Variants in TASOR2 observed in about 807,000 individuals in gnomAD.
TASOR2 encodes the protein transcription activation suppressor family member 2, also known as protein TASOR 2.
In TASOR2, 84 loss-of-function variants were observed where a neutral mutation model predicts 199.5. That is an observed-to-expected ratio of 0.42 (90% CI 0.35 to 0.50). The LOEUF (loss-of-function observed/expected upper bound fraction) is 0.50, where lower values mean the gene tolerates loss of function less well. Ranked by LOEUF, TASOR2 falls within the 20% of genes least tolerant of loss-of-function variation. The pLI is 0.02. For missense variants in TASOR2, 2,796 were observed against 2,835.9 expected, an observed-to-expected ratio of 0.99 and a Z score of 0.32; for synonymous variants, 1,103 against 1,046.6, an observed-to-expected ratio of 1.05 and a Z score of -1.04.
Position 5,720,814 on chromosome 10 carries a change from C to A in TASOR2, c.46+40C>A, listed in dbSNP as rs1343021825. 2 of 1,581,618 alleles carry A rather than the reference C, an allele frequency of 1.3e-6. No homozygotes were observed. The highest frequency in any genetic ancestry group is 2.8e-5 in the African/African-American group (2 of 71,876). Reference sequence around the variant, plus strand: ...ATTGATTCTTTTAGGTTTTTTTTTTCTTGAGTAAATGTTTCATCATAAATA... The same window carrying A: ...ATTGATTCTTTTAGGTTTTTTTTTTATTGAGTAAATGTTTCATCATAAATA... On this transcript the variant is annotated intron_variant, in intron 5 of 20. Transcript: ENST00000328090. This position sits in a 1 kb window ranked among gnomAD's most constrained non-coding sequence, Gnocchi z 5.3.
chr10:5,692,031 T>C (rs1244064641), intron 1 of TASOR2, among the ~76,000 whole-genome samples: 2 of 151,358 alleles, frequency 1.3e-5, no homozygotes, highest in East Asian at 3.9e-4. Context: ...AAAAATTAGC[T>C]AGGCGTGGCG....
exon 15 of TASOR2, chr10:5,746,178 GGTAACT>G: frequency 6.6e-7 from 1 of 1,511,286 alleles, no homozygotes; most frequent in Non-Finnish European, 8.8e-7. Flanking sequence ...GGCCGTTTCA[GGTAACT>G]GGGGAAGAAG....
At chr10:5,718,083 A>G (rs192830586) in intron 3 of TASOR2, among the ~76,000 whole-genome samples, 39 of 152,326 alleles carry the variant, frequency 2.6e-4, no homozygotes, top group African/African-American at 8.9e-4. Flanking sequence ...ATGAATTTAG[A>G]AAACAACATT....
At chr10:5,684,839 C>G (rs572840947) in exon 1 of TASOR2, 12 of 384,806 alleles carry the variant, frequency 3.1e-5, no homozygotes, top group African/African-American at 2.5e-4. Context: ...CGAGGTTTTG[C>G]TTCCGGTTGC....
chr10:5,759,348 A>C (rs1839438093), intron 18 of TASOR2, among the ~76,000 whole-genome samples: 1 of 152,220 alleles, frequency 6.6e-6, no homozygotes, highest in African/African-American at 2.4e-5. Context: ...AGAATGGAAA[A>C]ATTAAGACCA....
Position 5,751,695 on chromosome 10 carries a change from G to A in TASOR2, c.6606+1668G>A, listed in dbSNP as rs905894580. On this transcript the variant is annotated intron_variant, in intron 15 of 20. Coordinates refer to ENST00000328090, the Ensembl canonical transcript of TASOR2. The surrounding 1 kb of genome is among the most constrained non-coding windows in gnomAD (Gnocchi z 5.3). Reference sequence around the variant, plus strand: ...CTCCAAGGAGCTGTGACTCTTTAGTGAAGAATGGCATTTAGAACCACCATC... The same window carrying A: ...CTCCAAGGAGCTGTGACTCTTTAGTAAAGAATGGCATTTAGAACCACCATC... Among the ~76,000 whole-genome samples, 1 of 152,198 alleles carries A rather than the reference G, an allele frequency of 6.6e-6. No individual in the cohort carries two copies. The highest frequency in any genetic ancestry group is 6.5e-5 in the Admixed American group (1 of 15,280).
Position 5,740,207 on chromosome 10 carries a change from C to A in TASOR2, c.2037C>A (p.Pro679=). 1.2e-6 allele frequency: 2 copies of A among 1,614,196 alleles called. No homozygotes were observed. The highest frequency in any genetic ancestry group is 1.7e-6 in the Non-Finnish European group (2 of 1,180,028). Residue 679 remains proline, a synonymous_variant, in exon 13 of 21, where the codon CCC becomes CCA. Transcript: ENST00000328090. This position sits in a 1 kb window ranked among gnomAD's most constrained non-coding sequence, Gnocchi z 5.3. ...GAGAGATACTAAGCCCTCTGTTTCC[C>A]AGGAATGGGACAAAAAGCCCTGAAG... is the stretch of plus-strand genomic sequence containing the variant.
At chr10:5,747,024 G>C (rs776413785) in exon 15 of TASOR2, 1 of 1,614,006 alleles carries the variant, frequency 6.2e-7, no homozygotes, top group African/African-American at 1.3e-5. Context: ...TTCTAGAACT[G>C]ACACAGGTTG....
At chr10:5,709,314 A>C (rs1424111061) in intron 1 of TASOR2, among the ~76,000 whole-genome samples, 1 of 152,208 alleles carries the variant, frequency 6.6e-6, no homozygotes. Context: ...AATTTTCTTT[A>C]GAAGTTAAAG....
In TASOR2 at chr10:5,748,531, C is replaced by T; in HGVS notation, c.5110C>T (p.His1704Tyr). 1 of 1,613,582 alleles carries T rather than the reference C, an allele frequency of 6.2e-7. No homozygotes were observed. The highest frequency in any genetic ancestry group is 1.1e-5 in the South Asian group (1 of 91,088). The change falls in exon 15 of 21, where the codon CAT becomes TAT. Residue 1704 changes from histidine to tyrosine, a missense_variant. By Grantham distance (83) the His-to-Tyr change is moderately conservative. Coordinates refer to ENST00000328090, the Ensembl canonical transcript of TASOR2. This position sits in a 1 kb window ranked among gnomAD's most constrained non-coding sequence, Gnocchi z 5.1. ...GAATGGTGAGCCTGAAGCTGAGTTA[C>T]ATAAAGAAACCACAGGTCCAGGCAC...
At chr10:5,739,931 A>G (rs763946097) in exon 13 of TASOR2, 1 of 1,614,140 alleles carries the variant, frequency 6.2e-7, no homozygotes, top group South Asian at 1.1e-5. Context: ...ATCATAGAGG[A>G]GTTAAAACTC....
At chr10:5,746,361 T>A in exon 15 of TASOR2, 1 of 1,614,140 alleles carries the variant, frequency 6.2e-7, no homozygotes, top group Non-Finnish European at 8.5e-7. Flanking sequence ...TCACCAGGAC[T>A]TACGATGGGC....
At chr10:5,735,278 C>T (rs781220577) in intron 11 of TASOR2, 26 bp from the exon 13 acceptor site, 7 of 1,601,078 alleles carry the variant, frequency 4.4e-6, no homozygotes, top group African/African-American at 1.4e-5. Flanking sequence ...CTACCCCTTA[C>T]AAAAATGATG....
chr10:5,697,482 G>C (rs1455424662), intron 1 of TASOR2, among the ~76,000 whole-genome samples: 2 of 152,156 alleles, frequency 1.3e-5, no homozygotes, highest in Admixed American at 1.3e-4. Context: ...GAGCCATATG[G>C]TATCAAGGAA....
exon 13 of TASOR2, chr10:5,739,640 G>T: frequency 6.2e-7 from 1 of 1,612,654 alleles, no homozygotes; most frequent in South Asian, 1.1e-5. Context: ...CTGCTTCAAA[G>T]CTTCAATCAG....
rs557088128 is a variant in TASOR2 at position 5,724,624 on chromosome 10, T to TAGATAG, written c.351+92_351+93insGATAGA. The TAGATAG allele has an allele frequency of 9.9e-3, 730 of 73,620 alleles. 32 individuals carry two copies. In the South Asian group the frequency reaches 0.099, roughly 10 times the overall value. The allele number at this position is 73,620 out of a possible 1,614,324, so 4.6% of individuals were successfully genotyped here. On this transcript the variant is annotated intron_variant, in intron 8 of 20. Transcript: ENST00000328090. ...CTAGATGGCACATATATATATATTATATATATATATAGATAGATAGATAGA... is the reference window on the plus strand; with the variant it reads ...CTAGATGGCACATATATATATATTATAGATAGATATATATATAGATAGATAGATAGA...
chr10:5,763,003 T>A lies in TASOR2; in HGVS notation c.7290-26T>A, dbSNP rs756845069. ...TCTTGTTCGTATTATTTTAAGAAGTTCTTTATCAATTTTGTGTTTCTTCAG... is the reference window on the plus strand; with the variant it reads ...TCTTGTTCGTATTATTTTAAGAAGTACTTTATCAATTTTGTGTTTCTTCAG... On this transcript the variant is annotated intron_variant, in intron 20 of 20. Coordinates refer to ENST00000328090, the Ensembl canonical transcript of TASOR2. The A allele has an allele frequency of 1.3e-5, 21 of 1,608,526 alleles. No homozygotes were observed. In the Admixed American group the frequency reaches 3.4e-4, roughly 26 times the overall value.
chr10:5,700,130 A>T (rs1714559226), intron 1 of TASOR2, among the ~76,000 whole-genome samples: 1 of 151,358 alleles, frequency 6.6e-6, no homozygotes, highest in African/African-American at 2.4e-5. Flanking sequence ...CACCAAATCT[A>T]CTCTCTATTT....
chr10:5,730,820 T>G lies in TASOR2; in HGVS notation c.821T>G (p.Val274Gly). ...GACCCTAGTGCTTACATTTTGGAAG[T>G]GTCTACTGCTTTGGACTTGCTAGCA... Residue 274 changes from valine to glycine, a missense_variant, in exon 11 of 21, where the codon GTG becomes GGG. By Grantham distance (109) the Val-to-Gly change is moderately radical. This residue lies in a region of TASOR2 where 847 missense variants were observed against 887.4 expected (regional missense o/e 0.95). Transcript: ENST00000328090. This position sits in a 1 kb window ranked among gnomAD's most constrained non-coding sequence, Gnocchi z 4.1. The G allele has an allele frequency of 3.1e-6, 5 of 1,614,220 alleles. No individual in the cohort carries two copies. Among genetic ancestry groups the G allele is most frequent in the Non-Finnish European group, 4.2e-6 (5 of 1,180,034 alleles).
Sources: allele counts gnomAD v4.1 joint callset (sites outside exome capture counted in the v4.1 genomes callset), GRCh38; gene constraint gnomAD v4.1.1; regional missense constraint gnomAD v4.1.1; non-coding constraint Gnocchi (gnomAD v3.1); transcripts MANE v1.5; gene names NCBI Gene and HGNC (gene_info 2026-07-23, HGNC 2026-07-21).